The following FBXL17 variants were observed in gnomAD, a reference collection of about 807,000 sequenced individuals.
FBXL17 encodes F-box/LRR-repeat protein 17.
A neutral mutation model predicts 66.2 loss-of-function variants in FBXL17; 22 were observed. The ratio of observed to expected loss-of-function variants is 0.33; its 90% CI spans 0.24 to 0.47. The LOEUF is 0.47. FBXL17 is among the 20% of genes least tolerant of loss of function. The probability of loss-of-function intolerance (pLI) is 1.00; values close to 1 mark genes in which losing one functional copy is unlikely to be tolerated. For synonymous variants in FBXL17, 474 were observed against 400.5 expected, an observed-to-expected ratio of 1.18 and a Z score of -2.19; for missense variants, 878 against 948.2, an observed-to-expected ratio of 0.93 and a Z score of 0.97.
At chr5:107,910,846 G>C (rs1749927270) in intron 7 of FBXL17, among the ~76,000 whole-genome samples, 1 of 151,934 alleles carries the variant, frequency 6.6e-6, no homozygotes, top group Non-Finnish European at 1.5e-5. Context: ...AACAAAATAT[G>C]AAATAGCTTT....
chr5:108,295,334 A>T (rs1758301574), intron 4 of FBXL17, among the ~76,000 whole-genome samples: 1 of 151,876 alleles, frequency 6.6e-6, no homozygotes, highest in Non-Finnish European at 1.5e-5. Context: ...AATAACATTG[A>T]GCATTTAATT....
rs12189428 is a variant in FBXL17 at position 107,861,297 on chromosome 5, A to G, written c.*423T>C. The G allele has an allele frequency of 0.17, 25,359 of 152,340 alleles. 2,312 individuals carry two copies. Among genetic ancestry groups the G allele is most frequent in the Middle Eastern group, 0.27 (80 of 292 alleles). The allele number at this position is 152,340 out of a possible 1,614,324, so 9.4% of individuals were successfully genotyped here. On this transcript the variant is annotated 3_prime_UTR_variant, in exon 9 of 9. Transcript: ENST00000542267. ...TGAGAGAGTGTAAGTGCCTGTACGTATAACATCACTTCTGCTGTAGTCATC... is the reference window on the plus strand; with the variant it reads ...TGAGAGAGTGTAAGTGCCTGTACGTGTAACATCACTTCTGCTGTAGTCATC...
chr5:108,247,947 C>T (rs1027211324), intron 4 of FBXL17, among the ~76,000 whole-genome samples: 7 of 152,176 alleles, frequency 4.6e-5, no homozygotes, highest in African/African-American at 1.7e-4. Flanking sequence ...GACTCTGACT[C>T]TTTGGCTAGA....
intron 6 of FBXL17, among the ~76,000 whole-genome samples, chr5:108,029,776 A>AT (rs539460147): frequency 4.7e-5 from 7 of 149,274 alleles, no homozygotes; most frequent in African/African-American, 7.4e-5. Context: ...GATTTTGGTT[A>AT]TTTTTTTTTT....
chr5:108,126,604 T>G (rs1449348494), intron 6 of FBXL17, among the ~76,000 whole-genome samples: 1 of 149,790 alleles, frequency 6.7e-6, no homozygotes, highest in Non-Finnish European at 1.5e-5. Flanking sequence ...CAACTCATGC[T>G]ATATAAGATT....
intron 7 of FBXL17, among the ~76,000 whole-genome samples, chr5:107,915,351 C>A (rs962109462): frequency 6.6e-6 from 1 of 151,912 alleles, no homozygotes; most frequent in South Asian, 2.1e-4. Flanking sequence ...GTATTCAATG[C>A]CAACAATAAA....
chr5:108,174,936 G>T (rs945262125), intron 6 of FBXL17, among the ~76,000 whole-genome samples: 1 of 152,040 alleles, frequency 6.6e-6, no homozygotes, highest in African/African-American at 2.4e-5. Context: ...CAAAAATGAG[G>T]CTATGGCTTT....
intron 2 of FBXL17, among the ~76,000 whole-genome samples, chr5:108,365,757 T>C (rs1335833134): frequency 6.6e-6 from 1 of 152,092 alleles, no homozygotes; most frequent in Non-Finnish European, 1.5e-5. Context: ...GTGATACCTC[T>C]GGGAGTTAGT....
chr5:108,036,003 C>T (rs900748025), intron 6 of FBXL17, among the ~76,000 whole-genome samples: 13 of 152,178 alleles, frequency 8.5e-5, no homozygotes, highest in Admixed American at 3.9e-4. Context: ...ATGCTGCTCT[C>T]GTCATGCTGA....
intron 7 of FBXL17, among the ~76,000 whole-genome samples, chr5:108,010,683 T>C (rs1754142155): frequency 6.6e-6 from 1 of 152,144 alleles, no homozygotes; most frequent in South Asian, 2.1e-4. Context: ...CTGGTGTATC[T>C]TGACATAACG....
intron 8 of FBXL17, among the ~76,000 whole-genome samples, chr5:107,862,759 C>T (rs1411825904): frequency 6.6e-6 from 1 of 152,110 alleles, no homozygotes; most frequent in Non-Finnish European, 1.5e-5. Context: ...TTTGAGCACA[C>T]TTCTTGATGT....
At chr5:108,340,915 G>C (rs1320180194) in intron 4 of FBXL17, among the ~76,000 whole-genome samples, 1 of 152,060 alleles carries the variant, frequency 6.6e-6, no homozygotes, top group Non-Finnish European at 1.5e-5. Context: ...TCTAAAACAT[G>C]ATTTCAATTA....
chr5:107,886,658 T>A (rs2112510061), intron 7 of FBXL17, among the ~76,000 whole-genome samples: 1 of 152,112 alleles, frequency 6.6e-6, no homozygotes. Flanking sequence ...GCTGGAACAA[T>A]CTGAGCATCA....
chr5:108,379,363 T>C (rs1378456167), intron 1 of FBXL17, among the ~76,000 whole-genome samples: 1 of 152,134 alleles, frequency 6.6e-6, no homozygotes, highest in Non-Finnish European at 1.5e-5. Flanking sequence ...CCCTTTGTCC[T>C]AAAATGCACC....
intron 7 of FBXL17, among the ~76,000 whole-genome samples, chr5:107,913,325 T>C (rs1180904409): frequency 1.3e-5 from 2 of 152,050 alleles, no homozygotes; most frequent in African/African-American, 4.8e-5. Flanking sequence ...GTAGGCAGAA[T>C]GTAGAAATGG....
chr5:108,177,353 T>A (rs923945247), intron 6 of FBXL17, among the ~76,000 whole-genome samples: 3 of 152,308 alleles, frequency 2.0e-5, no homozygotes, highest in Admixed American at 6.5e-5. Flanking sequence ...TTTTTTAAAA[T>A]ATCCACAACT....
chr5:107,999,542 T>C (rs1753633266), intron 7 of FBXL17, among the ~76,000 whole-genome samples: 1 of 151,242 alleles, frequency 6.6e-6, no homozygotes, highest in South Asian at 2.1e-4. Context: ...TCTCATGCTG[T>C]ATGCCTCCAC....
chr5:108,224,728 A>G (rs1755023859), intron 4 of FBXL17, among the ~76,000 whole-genome samples: 1 of 152,096 alleles, frequency 6.6e-6, no homozygotes, highest in Non-Finnish European at 1.5e-5. Flanking sequence ...AGTAGCTGGG[A>G]CTACAAGCAT....
At chr5:108,048,246 A>G (rs990979309) in intron 6 of FBXL17, among the ~76,000 whole-genome samples, 2 of 152,214 alleles carry the variant, frequency 1.3e-5, no homozygotes, top group African/African-American at 4.8e-5. Context: ...ACAAACAGAA[A>G]GCAACAACAA....
Sources: allele counts gnomAD v4.1 joint callset (sites outside exome capture counted in the v4.1 genomes callset), GRCh38; gene constraint gnomAD v4.1.1; transcripts MANE v1.5; gene names NCBI Gene and HGNC (gene_info 2026-07-23, HGNC 2026-07-21).